Variants in ANP32E observed in about 807,000 individuals in gnomAD.
The protein encoded by ANP32E is acidic leucine-rich nuclear phosphoprotein 32 family member E.
A neutral mutation model predicts 35.3 loss-of-function variants in ANP32E; 14 were observed. The ratio of observed to expected loss-of-function variants is 0.40; its 90% CI spans 0.26 to 0.62. ANP32E has a LOEUF of 0.62. Ranked by LOEUF, ANP32E falls within the 20% of genes least tolerant of loss-of-function variation. ANP32E has a pLI of 0.45. For synonymous variants in ANP32E, 89 were observed against 110.4 expected, an observed-to-expected ratio of 0.81 and a Z score of 1.22; for missense variants, 198 against 304.4, an observed-to-expected ratio of 0.65 and a Z score of 2.60.
At chr1:150,226,944 TTC>T in intron 4 of ANP32E, 149 bp from the exon 5 acceptor site, 1 of 1,163,716 alleles carries the variant, frequency 8.6e-7, no homozygotes, top group South Asian at 1.9e-5. Flanking sequence ...TTTTTAAGAT[TTC>T]TGTTTCACAA....
chr1:150,221,592 G>A (rs1247777094), intron 6 of ANP32E, among the ~76,000 whole-genome samples: 2 of 1,944 alleles, frequency 1.0e-3, no homozygotes, highest in Admixed American at 8.1e-3. Flanking sequence ...AAGGGAGGGA[G>A]GGAGGGAGGG....
intron 5 of ANP32E, among the ~76,000 whole-genome samples, chr1:150,225,751 A>C (rs1348820058): frequency 6.6e-6 from 1 of 151,382 alleles, no homozygotes; most frequent in East Asian, 1.9e-4. Flanking sequence ...CAAGAGGGAA[A>C]CATTAAAGGG....
intron 6 of ANP32E, among the ~76,000 whole-genome samples, chr1:150,221,915 C>A (rs1195831425): frequency 1.3e-5 from 2 of 151,844 alleles, no homozygotes; most frequent in African/African-American, 4.8e-5. Flanking sequence ...AACAGTGAGA[C>A]CCCGTCTATA....
chr1:150,223,554 G>C (rs1456721834), intron 5 of ANP32E, among the ~76,000 whole-genome samples: 1 of 151,388 alleles, frequency 6.6e-6, no homozygotes, highest in African/African-American at 2.4e-5. Context: ...GGTGGCAGGC[G>C]CCTGTAATCC....
At chr1:150,230,116 C>A (rs1053625228) in intron 3 of ANP32E, among the ~76,000 whole-genome samples, 7 of 151,932 alleles carry the variant, frequency 4.6e-5, no homozygotes, top group African/African-American at 1.7e-4. Flanking sequence ...TGGACTCAAG[C>A]GATCCTCCCA....
chr1:150,230,532 C>G (rs1380332938), intron 3 of ANP32E, 39 bp downstream of exon 3: 12 of 1,512,024 alleles, frequency 7.9e-6, no homozygotes, highest in Non-Finnish European at 1.1e-5. Flanking sequence ...AAAATTTAAC[C>G]AAAAAAAGCA....
Position 150,220,551 on chromosome 1 carries a change from C to A in ANP32E, c.*140G>T. Reference sequence around the variant, plus strand: ...CTAGTTCTTATTTGGAATGATAAGGCAAAAATAGTAAAACCACACTTTTCC... The same window carrying A: ...CTAGTTCTTATTTGGAATGATAAGGAAAAAATAGTAAAACCACACTTTTCC... On this transcript the variant is annotated 3_prime_UTR_variant, in exon 7 of 7. Transcript: ENST00000583931. The A allele has an allele frequency of 1.2e-6, 1 of 805,822 alleles. No homozygotes were observed. The highest frequency in any genetic ancestry group is 2.3e-5 in the Admixed American group (1 of 42,936). 49.9% of individuals were successfully genotyped at this position (805,822 alleles called of 1,614,324 possible). A position where few individuals can be genotyped will look rare whatever the true frequency, so the allele number is the denominator to read the frequency against.
Position 150,235,568 on chromosome 1 carries a change from A to G in ANP32E, c.54+165T>C, listed in dbSNP as rs1293356951. Among the ~76,000 whole-genome samples the G allele has an allele frequency of 1.3e-5, 2 of 152,194 alleles. No individual in the cohort carries two copies. The highest frequency in any genetic ancestry group is 2.9e-5 in the Non-Finnish European group (2 of 68,026). ...AACCCTTCGCCATTTTAAGTAGAAG[A>G]TTTTAATGATTTAAAACTTAAAATT... On this transcript the variant is annotated intron_variant, in intron 1 of 6. Coordinates refer to ENST00000583931, the MANE Select transcript of ANP32E (RefSeq NM_030920.5). This position sits in a 1 kb window ranked among gnomAD's most constrained non-coding sequence, Gnocchi z 4.2.
chr1:150,230,136 C>T lies in ANP32E; in HGVS notation c.327+435G>A, dbSNP rs1219616945. 2.6e-5 allele frequency among the ~76,000 whole-genome samples: 4 copies of T among 152,140 alleles called. 1 individual carries two copies. Among genetic ancestry groups the T allele is most frequent in the African/African-American group, 9.7e-5 (4 of 41,436 alleles). On this transcript the variant is annotated intron_variant, in intron 3 of 6. Coordinates refer to ENST00000583931, the MANE Select transcript of ANP32E (RefSeq NM_030920.5). ...TCAAGCGATCCTCCCACCTCTGCCT[C>T]TCCAAGTGCTGGGATTACAGACATA...
intron 4 of ANP32E, among the ~76,000 whole-genome samples, chr1:150,228,429 C>G (rs1201935160): frequency 6.6e-6 from 1 of 152,166 alleles, no homozygotes; most frequent in African/African-American, 2.4e-5. Flanking sequence ...TGGTGGCTCA[C>G]GCTGGTAATC....
Position 150,235,137 on chromosome 1 carries a change from C to T in ANP32E, c.54+596G>A, listed in dbSNP as rs1649669633. Among the ~76,000 whole-genome samples, 1 of 152,202 alleles carries T rather than the reference C, an allele frequency of 6.6e-6. No homozygotes were observed. Among genetic ancestry groups the T allele is most frequent in the African/African-American group, 2.4e-5 (1 of 41,444 alleles). The stretch of plus-strand genomic sequence containing the variant: ...GAGAACCCGCCGCTGACCCAGATTC[C>T]GCCGGGCGAAGGGCAGAGGGCGGCG... On this transcript the variant is annotated intron_variant, in intron 1 of 6. Coordinates refer to ENST00000583931, the MANE Select transcript of ANP32E (RefSeq NM_030920.5). This position sits in a 1 kb window ranked among gnomAD's most constrained non-coding sequence, Gnocchi z 4.2.
In ANP32E at chr1:150,235,323, G is replaced by C. The variant is rs1369235795; in HGVS notation, c.54+410C>G. On this transcript the variant is annotated intron_variant, in intron 1 of 6. Coordinates refer to ENST00000583931, the MANE Select transcript of ANP32E (RefSeq NM_030920.5). The surrounding 1 kb of genome is among the most constrained non-coding windows in gnomAD (Gnocchi z 4.2). ...GAGTTGGCCGCACTGCAGAAAAGTT[G>C]GACTAACTTCTCAGGCGCCTATGGC... 2.0e-5 allele frequency among the ~76,000 whole-genome samples: 3 copies of C among 152,228 alleles called. 1 individual carries two copies. Among genetic ancestry groups the C allele is most frequent in the African/African-American group, 7.2e-5 (3 of 41,462 alleles).
At position 150,220,669 on chromosome 1, in the gene ANP32E, G is replaced by C. The variant is rs782314654; in HGVS notation, c.*22C>G. On this transcript the variant is annotated 3_prime_UTR_variant, in exon 7 of 7. Transcript: ENST00000583931. Reference sequence around the variant, plus strand: ...CTCTATTGCACACCCAGAAACATTAGAGAATCTGGTCTTAGAATGATCTAG... The same window carrying C: ...CTCTATTGCACACCCAGAAACATTACAGAATCTGGTCTTAGAATGATCTAG... 1.2e-6 allele frequency: 2 copies of C among 1,607,840 alleles called. No homozygotes were observed. Among genetic ancestry groups the C allele is most frequent in the East Asian group, 2.2e-5 (1 of 44,810 alleles).
intron 1 of ANP32E, 83 bp from the exon 2 acceptor site, chr1:150,232,009 T>G: frequency 7.3e-7 from 1 of 1,369,710 alleles, no homozygotes; most frequent in Non-Finnish European, 9.9e-7. Context: ...ACTCTGGAAA[T>G]GTATTAAAAC....
At chr1:150,234,891 G>C (rs1224313837) in intron 1 of ANP32E, among the ~76,000 whole-genome samples, 4 of 152,348 alleles carry the variant, frequency 2.6e-5, no homozygotes, top group East Asian at 3.9e-4. Flanking sequence ...CGACAGCAGT[G>C]AGAGCGCATC....
intron 1 of ANP32E, among the ~76,000 whole-genome samples, chr1:150,234,854 GC>G (rs1553842829): frequency 6.6e-6 from 1 of 152,144 alleles, no homozygotes; most frequent in African/African-American, 2.4e-5. Context: ...GCCTCACATG[GC>G]CCCTCCCAAC....
intron 1 of ANP32E, chr1:150,234,760 T>C: frequency 1.2e-6 from 1 of 807,706 alleles, no homozygotes; most frequent in Non-Finnish European, 1.5e-6. Flanking sequence ...GCCTTCGCCC[T>C]GGGTAGGTGA....
At chr1:150,221,157 G>A (rs1449356556) in intron 6 of ANP32E, among the ~76,000 whole-genome samples, 2 of 140,228 alleles carry the variant, frequency 1.4e-5, no homozygotes, top group East Asian at 4.3e-4. Context: ...AAGAAAATTG[G>A]CCAGGTAAGG....
chr1:150,228,335 C>T (rs1553840658), intron 4 of ANP32E, among the ~76,000 whole-genome samples: 2 of 152,132 alleles, frequency 1.3e-5, no homozygotes, highest in Admixed American at 6.6e-5. Flanking sequence ...GCATGTATCA[C>T]TACTTCATTC....
Sources: gnomAD v4.1 joint callset for allele counts (sites outside exome capture counted in the v4.1 genomes callset) on GRCh38, gnomAD v4.1.1 for gene constraint, Gnocchi (gnomAD v3.1) non-coding constraint, MANE v1.5 for transcripts, NCBI Gene and HGNC (gene_info 2026-07-23, HGNC 2026-07-21) for gene names.